Variants in STOM observed in about 807,000 individuals in gnomAD.
STOM encodes the protein stomatin.
A neutral mutation model predicts 30.6 loss-of-function variants in STOM; 25 were observed. That is an observed-to-expected ratio of 0.82 (90% CI 0.60 to 1.14). STOM has a LOEUF of 1.14. STOM is among the 50% of genes most tolerant of loss of function. The probability of loss-of-function intolerance (pLI) is 0.00; values close to 1 mark genes in which losing one functional copy is unlikely to be tolerated. For missense variants in STOM, 292 were observed against 365.2 expected (o/e 0.80, Z 1.63); for synonymous variants, 118 against 130.8 (o/e 0.90, Z 0.67).
In STOM at chr9:121,348,137, C is replaced by T. The variant is rs767554134; in HGVS notation, c.538G>A (p.Asp180Asn). The change falls in exon 6 of 7, where the codon GAT (aspartate) becomes AAT (asparagine). Residue 180 changes from aspartate to asparagine, a missense_variant. Asp to Asn is a conservative substitution (Grantham distance 23). Coordinates refer to ENST00000286713, the MANE Select transcript of STOM (RefSeq NM_004099.6). ...TTTATTCCCCAGGCATCAGTGGCAT[C>T]ATCCAGAGTAGACTGTTAGGAAGAG... ...IAHNMQSTLDDATDAWGIKVE... is the reference protein window; with the variant it reads ...IAHNMQSTLDNATDAWGIKVE... The T allele has an allele frequency of 1.2e-6, 2 of 1,614,174 alleles. No individual in the cohort carries two copies. The highest frequency in any genetic ancestry group is 1.7e-6 in the Non-Finnish European group (2 of 1,180,004).
rs2064230598 is a variant in STOM, at chr9:121,339,861, T to C, written c.*1341A>G. ...TACATCTATATAGATATTGTAAGTT[T>C]GACAGTATCTGCCCAAGATCATTAG... is the stretch of plus-strand genomic sequence containing the variant. On this transcript the variant is annotated 3_prime_UTR_variant, in exon 7 of 7. Transcript: ENST00000286713. 8.6e-7 allele frequency: 1 copy of C among 1,162,576 alleles called. No individual in the cohort carries two copies. The highest frequency in any genetic ancestry group is 1.6e-5 in the African/African-American group (1 of 62,656). 72.0% of individuals were successfully genotyped at this position (1,162,576 alleles called of 1,614,324 possible). A position where few individuals can be genotyped will look rare whatever the true frequency, so the allele number is the denominator to read the frequency against.
At chr9:121,346,911 A>G (rs1419992686) in intron 6 of STOM, among the ~76,000 whole-genome samples, 1 of 152,162 alleles carries the variant, frequency 6.6e-6, no homozygotes, top group Non-Finnish European at 1.5e-5. Flanking sequence ...AGCTACTACT[A>G]TTTTCTAACA....
At position 121,340,855 on chromosome 9, in the gene STOM, C is replaced by A; in HGVS notation, c.*347G>T. 8.9e-7 allele frequency: 1 copy of A among 1,117,576 alleles called. No individual in the cohort carries two copies. Among genetic ancestry groups the A allele is most frequent in the Non-Finnish European group, 1.1e-6 (1 of 908,508 alleles). 69.2% of individuals were successfully genotyped at this position (1,117,576 alleles called of 1,614,324 possible). On this transcript the variant is annotated 3_prime_UTR_variant, in exon 7 of 7. Transcript: ENST00000286713. The stretch of plus-strand genomic sequence containing the variant: ...TTCTGCAAAGCATTTAGCCAGTCAG[C>A]GGTGTCAGGTGGCAGTTACAGCCCA...
At chr9:121,362,280 TG>T (rs1267569922) in intron 1 of STOM, among the ~76,000 whole-genome samples, 2 of 152,228 alleles carry the variant, frequency 1.3e-5, no homozygotes, top group Non-Finnish European at 2.9e-5. Flanking sequence ...TATCTCTGGA[TG>T]TTTTTTGCCT....
intron 1 of STOM, among the ~76,000 whole-genome samples, chr9:121,362,018 G>T (rs1443793468): frequency 6.6e-6 from 1 of 151,970 alleles, no homozygotes; most frequent in Admixed American, 6.6e-5. Context: ...GGGAGTTGGG[G>T]ACTCCTGGTT....
rs116740029 is a variant in STOM, at chr9:121,343,462, A to G, written c.661-2054T>C. Among the ~76,000 whole-genome samples the G allele has an allele frequency of 7.7e-3, 1,176 of 152,272 alleles. 21 individuals are homozygous for G. Among genetic ancestry groups the G allele is most frequent in the African/African-American group, 0.026 (1,098 of 41,548 alleles). On this transcript the variant is annotated intron_variant, in intron 6 of 6. Coordinates refer to ENST00000286713, the MANE Select transcript of STOM (RefSeq NM_004099.6). ...GTAGGGAAGGCAGACATGGAAGTAG[A>G]TCATTTCATTCTAGTGTGATAAATG...
Position 121,339,982 on chromosome 9 carries a change from CAG to C in STOM, c.*1218_*1219del. Reference sequence around the variant, plus strand: ...ACAGTGTACCACAGTTAACAGCATGCAGATAGTAAAATATAATGGTTTCCTGA... The same window carrying C: ...ACAGTGTACCACAGTTAACAGCATGCATAGTAAAATATAATGGTTTCCTGA... On this transcript the variant is annotated 3_prime_UTR_variant, in exon 7 of 7. Coordinates refer to ENST00000286713, the MANE Select transcript of STOM (RefSeq NM_004099.6). 16 of 1,004,778 alleles carry C rather than the reference CAG, an allele frequency of 1.6e-5. No individual in the cohort carries two copies. Among genetic ancestry groups the C allele is most frequent in the Non-Finnish European group, 1.8e-5 (15 of 843,254 alleles). The allele number at this position is 1,004,778 out of a possible 1,614,324, so 62.2% of individuals were successfully genotyped here. A position where few individuals can be genotyped will look rare whatever the true frequency, so the allele number is the denominator to read the frequency against.
rs1380861430 is a variant in STOM, at chr9:121,341,424, A to G, written c.661-16T>C. On this transcript the variant is annotated splice_polypyrimidine_tract_variant and intron_variant, in intron 6 of 6. Coordinates refer to ENST00000286713, the MANE Select transcript of STOM (RefSeq NM_004099.6). ...CTGCAATAACCTATGGACAGGTGAAAGGAGGGGTTGAACTGGAGAAAACCT... is the reference window on the plus strand; with the variant it reads ...CTGCAATAACCTATGGACAGGTGAAGGGAGGGGTTGAACTGGAGAAAACCT... 1.2e-6 allele frequency: 2 copies of G among 1,612,258 alleles called. No homozygotes were observed. The highest frequency in any genetic ancestry group is 1.7e-6 in the Non-Finnish European group (2 of 1,179,896).
chr9:121,349,248 C>A lies in STOM; in HGVS notation c.397G>T (p.Val133Leu). The A allele has an allele frequency of 6.2e-7, 1 of 1,614,192 alleles. No homozygotes were observed. Among genetic ancestry groups the A allele is most frequent in the Non-Finnish European group, 8.5e-7 (1 of 1,180,032 alleles). Residue 133 changes from valine to leucine, a missense_variant, in exon 5 of 7, where the codon GTG becomes TTG. Physicochemically the swap from Val to Leu is conservative, Grantham distance 32 (BLOSUM62 1). Coordinates refer to ENST00000286713, the MANE Select transcript of STOM (RefSeq NM_004099.6). ...GAGTCAGCGTTGGTGATATTTGCCA[C>A]AGCCAGGGTTGCATTCTGAACGCGG... Reference protein sequence around the residue: ...YYRVQNATLAVANITNADSAT... With the variant: ...YYRVQNATLALANITNADSAT...
intron 3 of STOM, among the ~76,000 whole-genome samples, chr9:121,353,984 AC>A (rs2064362960): frequency 6.6e-6 from 1 of 152,170 alleles, no homozygotes; most frequent in Admixed American, 6.5e-5. Context: ...AATACTTATC[AC>A]ATAGGATTGT....
At chr9:121,349,399 A>G (rs1290766968) in intron 4 of STOM, 76 bp from the exon 5 acceptor site, 11 of 1,306,744 alleles carry the variant, frequency 8.4e-6, no homozygotes, top group Non-Finnish European at 9.9e-6. Flanking sequence ...GTTATTCTAC[A>G]GAATATCTTA....
chr9:121,356,214 T>C (rs2064388983), intron 1 of STOM, 58 bp from the exon 2 acceptor site: 3 of 1,422,544 alleles, frequency 2.1e-6, no homozygotes, highest in Non-Finnish European at 2.9e-6. Context: ...ATCACCACCA[T>C]CTTCATCCTT....
In STOM at chr9:121,356,116, CA is replaced by C; in HGVS notation, c.101del (p.Leu34TrpfsTer11). ...CGGTGAATAAGAATGAGAACGCCAC[CA>C]AAATCCATCCGCAAGGTCCAAGGCC... is the stretch of plus-strand genomic sequence containing the variant. Reference protein sequence around the residue: ...SKGLGPCGWILVAFSFLFTVI... With the variant: ...SKGLGPCGWIXVAFSFLFTVI... On this transcript the variant is annotated frameshift_variant, in exon 2 of 7. Coordinates refer to ENST00000286713, the MANE Select transcript of STOM (RefSeq NM_004099.6). LOFTEE classifies it high-confidence loss of function. 3 of 1,614,120 alleles carry C rather than the reference CA, an allele frequency of 1.9e-6. No homozygotes were observed. Among genetic ancestry groups the C allele is most frequent in the Non-Finnish European group, 2.5e-6 (3 of 1,180,008 alleles).
At chr9:121,352,571 G>A (rs1483100626) in intron 4 of STOM, among the ~76,000 whole-genome samples, 2 of 152,170 alleles carry the variant, frequency 1.3e-5, no homozygotes, top group African/African-American at 2.4e-5. Context: ...ACCCATGCAT[G>A]CAAAGGGCCA....
chr9:121,358,991 A>C (rs306789), intron 1 of STOM, among the ~76,000 whole-genome samples: 63,455 of 151,980 alleles, frequency 0.42, 13,603 homozygotes, highest in African/African-American at 0.5. Context: ...TTTCTGTATC[A>C]AGTGTCATCC....
intron 5 of STOM, 36 bp from the exon 6 acceptor site, chr9:121,348,185 A>C: frequency 6.2e-7 from 1 of 1,613,630 alleles, no homozygotes; most frequent in East Asian, 2.2e-5. Flanking sequence ...AAATCTCCTC[A>C]GCCCAGCCCA....
chr9:121,370,027 G>T, intron 1 of STOM, 100 bp downstream of exon 1: 1 of 1,141,414 alleles, frequency 8.8e-7, no homozygotes, highest in Non-Finnish European at 1.2e-6. Context: ...CCAGCCCGAA[G>T]CAGCGGAGAC....
chr9:121,340,581 C>A lies in STOM; in HGVS notation c.*621G>T, dbSNP rs2064236811. On this transcript the variant is annotated 3_prime_UTR_variant, in exon 7 of 7. Transcript: ENST00000286713. ...GTGAAACCCCGTCTCTACTAAAAAA[C>A]AATAATAATAATACAAAAATTAGCT... The A allele has an allele frequency of 1.0e-5, 6 of 590,910 alleles. No homozygotes were observed. The highest frequency in any genetic ancestry group is 1.3e-5 in the Non-Finnish European group (6 of 470,072). The allele number at this position is 590,910 out of a possible 1,614,324, so 36.6% of individuals were successfully genotyped here.
intron 1 of STOM, among the ~76,000 whole-genome samples, chr9:121,368,720 C>A (rs541722678): frequency 6.6e-6 from 1 of 152,186 alleles, no homozygotes; most frequent in Non-Finnish European, 1.5e-5. Flanking sequence ...GCGTGTGGAT[C>A]ACTTGAGGTC....
Sources: gnomAD v4.1 joint callset for allele counts (sites outside exome capture counted in the v4.1 genomes callset) on GRCh38, gnomAD v4.1.1 for gene constraint, MANE v1.5 for transcripts, NCBI Gene and HGNC (gene_info 2026-07-23, HGNC 2026-07-21) for gene names.